The following CDH18 variants were observed in gnomAD, a reference collection of about 807,000 sequenced individuals.
CDH18 encodes the protein cadherin-18.
Under a neutral mutation model 67.9 loss-of-function variants are expected in CDH18, and 31 were observed. The ratio of observed to expected loss-of-function variants is 0.46; its 90% confidence interval spans 0.34 to 0.62. The LOEUF is 0.62. Ranked by LOEUF, CDH18 falls within the 20% of genes least tolerant of loss-of-function variation. The probability of loss-of-function intolerance (pLI) is 0.01; values close to 1 mark genes in which losing one functional copy is unlikely to be tolerated. For synonymous variants in CDH18, 362 were observed against 347.2 expected (o/e 1.04, Z -0.48); for missense variants, 890 against 975.5 (o/e 0.91, Z 1.17).
intron 1 of CDH18, among the ~76,000 whole-genome samples, chr5:20,487,462 G>C (rs1193940947): frequency 1.3e-5 from 2 of 149,854 alleles, no homozygotes; most frequent in East Asian, 3.9e-4. Flanking sequence ...TATATTTACT[G>C]TATAGGTGAT....
chr5:19,746,979 T>C lies in CDH18; in HGVS notation c.486A>G (p.Gly162=). The stretch of plus-strand genomic sequence containing the variant: ...TTTCAGGCACAGTAACAATGTATGG[T>C]CCATCTGTGAATTTTGGAGCGTTGT... ...INDNAPKFTD[G]PYIVTVPEMS... The change falls in exon 4 of 13, where the codon GGA becomes GGG. Residue 162 remains glycine, a synonymous_variant. Coordinates refer to ENST00000382275, the MANE Select transcript of CDH18 (RefSeq NM_004934.5). The C allele has an allele frequency of 6.2e-7, 1 of 1,614,120 alleles. No homozygotes were observed. The highest frequency in any genetic ancestry group is 8.5e-7 in the Non-Finnish European group (1 of 1,180,002).
At chr5:20,450,453 A>C (rs373585614) in intron 1 of CDH18, among the ~76,000 whole-genome samples, 1 of 152,198 alleles carries the variant, frequency 6.6e-6, no homozygotes, top group African/African-American at 2.4e-5. Context: ...ATTGCACATC[A>C]TCCAAATCTT....
At chr5:19,767,188 A>C (rs935894705) in intron 3 of CDH18, among the ~76,000 whole-genome samples, 2 of 152,092 alleles carry the variant, frequency 1.3e-5, no homozygotes, top group African/African-American at 2.4e-5. Flanking sequence ...CAATATAAAA[A>C]ATGTGTTTTT....
At chr5:20,220,522 A>G (rs1164852992) in intron 2 of CDH18, among the ~76,000 whole-genome samples, 1 of 152,024 alleles carries the variant, frequency 6.6e-6, no homozygotes, top group Non-Finnish European at 1.5e-5. Context: ...ATGTGAAACT[A>G]CTATAAGAAA....
At chr5:19,864,105 A>G (rs1256071301) in intron 2 of CDH18, among the ~76,000 whole-genome samples, 1 of 151,012 alleles carries the variant, frequency 6.6e-6, no homozygotes, top group Admixed American at 6.6e-5. Context: ...ACTATTCACA[A>G]CAGCAAAGAC....
chr5:20,558,077 A>C (rs915905474), intron 1 of CDH18, among the ~76,000 whole-genome samples: 3 of 151,894 alleles, frequency 2.0e-5, no homozygotes, highest in African/African-American at 7.3e-5. Context: ...TTATAGAATT[A>C]TTTCATTCAG....
At chr5:20,552,911 T>C (rs1757715638) in intron 1 of CDH18, among the ~76,000 whole-genome samples, 1 of 152,024 alleles carries the variant, frequency 6.6e-6, no homozygotes, top group Non-Finnish European at 1.5e-5. Flanking sequence ...TGCTCCATCA[T>C]GCACGGCTAA....
intron 8 of CDH18, among the ~76,000 whole-genome samples, chr5:19,554,194 TC>T (rs1374573953): frequency 6.6e-6 from 1 of 152,180 alleles, no homozygotes; most frequent in African/African-American, 2.4e-5. Flanking sequence ...AATCAAAACT[TC>T]CATCCAATGA....
intron 1 of CDH18, among the ~76,000 whole-genome samples, chr5:20,546,207 C>T (rs565925716): frequency 4.6e-5 from 7 of 152,150 alleles, no homozygotes; most frequent in African/African-American, 1.7e-4. Flanking sequence ...GTATTTTGGC[C>T]AAAACCATTC....
Position 19,556,749 on chromosome 5 carries a change from A to G in CDH18, c.1254-12744T>C, listed in dbSNP as rs577501952. 2.0e-5 allele frequency among the ~76,000 whole-genome samples: 3 copies of G among 152,266 alleles called. No homozygotes were observed. In the Middle Eastern group the frequency reaches 0.01, roughly 518 times the overall value. On this transcript the variant is annotated intron_variant, in intron 8 of 12. Coordinates refer to ENST00000382275, the MANE Select transcript of CDH18 (RefSeq NM_004934.5). ...TTCCCCAGCTTTCTTAGAGATCTAG[A>G]CATTCAAATACAAGAAGCTCAAAGA...
At chr5:19,603,079 C>T (rs2150072804) in intron 6 of CDH18, among the ~76,000 whole-genome samples, 1 of 152,296 alleles carries the variant, frequency 6.6e-6, no homozygotes, top group South Asian at 2.1e-4. Context: ...TTCACAGCCA[C>T]CTTACTCATG....
chr5:20,092,683 T>C (rs1745546996), intron 2 of CDH18, among the ~76,000 whole-genome samples: 1 of 152,212 alleles, frequency 6.6e-6, no homozygotes, highest in Non-Finnish European at 1.5e-5. Flanking sequence ...TGACAATTTT[T>C]ATAATATATG....
chr5:20,137,017 C>CATTT (rs1561820035), intron 2 of CDH18, among the ~76,000 whole-genome samples: 10 of 149,226 alleles, frequency 6.7e-5, no homozygotes, highest in Admixed American at 2.7e-4. Context: ...TGGTTGACCT[C>CATTT]TTTCCTTCAT....
At chr5:20,009,952 G>A (rs529226093) in intron 2 of CDH18, among the ~76,000 whole-genome samples, 6 of 152,068 alleles carry the variant, frequency 3.9e-5, no homozygotes, top group Non-Finnish European at 7.4e-5. Context: ...TTTATGTCTG[G>A]ATTGGCTGTC....
chr5:20,541,605 G>A (rs1206428902), intron 1 of CDH18, among the ~76,000 whole-genome samples: 1 of 152,076 alleles, frequency 6.6e-6, no homozygotes, highest in Admixed American at 6.6e-5. Context: ...GGTTCTACTT[G>A]GAAGGGAGGT....
chr5:19,618,667 T>G (rs566138864), intron 5 of CDH18, among the ~76,000 whole-genome samples: 1 of 152,164 alleles, frequency 6.6e-6, no homozygotes, highest in Non-Finnish European at 1.5e-5. Context: ...GCAAATCTAC[T>G]CACATCTTCG....
intron 1 of CDH18, among the ~76,000 whole-genome samples, chr5:20,509,407 CTT>C (rs565488310): frequency 1.6e-4 from 22 of 139,262 alleles, no homozygotes; most frequent in Admixed American, 1.5e-4. Flanking sequence ...CAGGATTTCC[CTT>C]TTTTTTTTTT....
intron 4 of CDH18, among the ~76,000 whole-genome samples, chr5:19,734,176 CA>C (rs1012760750): frequency 1.3e-5 from 2 of 151,542 alleles, no homozygotes; most frequent in African/African-American, 2.4e-5. Context: ...AAAAATGAAA[CA>C]AAAAAAAGCA....
At chr5:19,883,510 C>T (rs1222761145) in intron 2 of CDH18, among the ~76,000 whole-genome samples, 2 of 149,784 alleles carry the variant, frequency 1.3e-5, no homozygotes, top group Non-Finnish European at 3.0e-5. Context: ...GCCCTTTCAT[C>T]TCTAATGATT....
Sources: allele counts gnomAD v4.1 joint callset (sites outside exome capture counted in the v4.1 genomes callset), GRCh38; gene constraint gnomAD v4.1.1; transcripts MANE v1.5; gene names NCBI Gene and HGNC (gene_info 2026-07-23, HGNC 2026-07-21).